Variants in MIA2 observed in about 807,000 individuals in gnomAD.
MIA2 encodes MIA SH3 domain ER export factor 2, also known as melanoma inhibitory activity protein 2.
Under a neutral mutation model 167.8 loss-of-function variants are expected in MIA2, and 127 were observed. The observed-to-expected ratio is 0.76, with a 90% CI of 0.66 to 0.88. The LOEUF (loss-of-function observed/expected upper bound fraction) is 0.88. MIA2 is among the 40% of genes least tolerant of loss of function. The probability of loss-of-function intolerance (pLI) is 0.00; values close to 1 mark genes in which losing one functional copy is unlikely to be tolerated. For synonymous variants in MIA2, 552 were observed against 541.9 expected, an observed-to-expected ratio of 1.02 and a Z score of -0.26; for missense variants, 1,690 against 1,624.7, an observed-to-expected ratio of 1.04 and a Z score of -0.69.
At chr14:39,252,029 T>G (rs1002865906) in intron 4 of MIA2, among the ~76,000 whole-genome samples, 2 of 149,860 alleles carry the variant, frequency 1.3e-5, no homozygotes, top group Non-Finnish European at 3.0e-5. Flanking sequence ...GACAGTTATG[T>G]TAGTTTTAGG....
At chr14:39,251,940 A>G (rs2152636270) in intron 4 of MIA2, among the ~76,000 whole-genome samples, 1 of 152,290 alleles carries the variant, frequency 6.6e-6, no homozygotes, top group South Asian at 2.1e-4. Flanking sequence ...CAGGAATGAA[A>G]TCTGAAGGGA....
Position 39,294,927 on chromosome 14 carries a change from C to T in MIA2, c.2394C>T (p.Ala798=). ...SKSLKSQVAE[A]KMTFKIFQMN... The stretch of plus-strand genomic sequence containing the variant: ...TTGACATTTTTTGTTTCACTTAGGC[C>T]AAAATGACCTTCAAGATATTTCAAA... Residue 798 remains alanine, a splice_region_variant and synonymous_variant, in exon 13 of 29, where the codon GCC becomes GCT. Transcript: ENST00000640607. 1.2e-6 allele frequency: 2 copies of T among 1,608,524 alleles called. No individual in the cohort carries two copies. The highest frequency in any genetic ancestry group is 1.7e-6 in the Non-Finnish European group (2 of 1,176,518).
intron 23 of MIA2, among the ~76,000 whole-genome samples, chr14:39,358,679 G>A (rs2074597398): frequency 6.6e-6 from 1 of 152,140 alleles, no homozygotes. Flanking sequence ...CCATCTTAGT[G>A]GTTTTATCTA....
intron 9 of MIA2, among the ~76,000 whole-genome samples, chr14:39,280,528 C>T (rs569258693): frequency 1.2e-3 from 177 of 151,950 alleles, no homozygotes; most frequent in Admixed American, 3.3e-3. Context: ...GTCAGGAGAT[C>T]GAGACTATCC....
At chr14:39,277,686 ATGTG>A (rs201566183) in intron 7 of MIA2, among the ~76,000 whole-genome samples, 965 of 16,166 alleles carry the variant, frequency 0.06, 221 homozygotes, top group African/African-American at 0.21. Context: ...ATATATATAT[ATGTG>A]TGTATATATA....
At position 39,307,390 on chromosome 14, in the gene MIA2, ATTTTTTTTTTTTTTT is replaced by A. The variant is rs373046158; in HGVS notation, c.2879-1045_2879-1031del. The stretch of plus-strand genomic sequence containing the variant: ...ATAAATAATAACAAAAGTTAAAAGA[ATTTTTTTTTTTTTTT>A]TTTTTTTTTTTTTGGAGACAGGGTC... On this transcript the variant is annotated intron_variant, in intron 17 of 28. Transcript: ENST00000640607. Among the ~76,000 whole-genome samples, 463 of 67,564 alleles carry A rather than the reference ATTTTTTTTTTTTTTT, an allele frequency of 6.9e-3. 2 individuals carry two copies. The highest frequency in any genetic ancestry group is 0.028 in the South Asian group (39 of 1,410). 44.3% of individuals were successfully genotyped at this position (67,564 alleles called of 152,430 possible). A position where few individuals can be genotyped will look rare whatever the true frequency, so the allele number is the denominator to read the frequency against.
chr14:39,343,271 A>AC (rs2072433921), intron 25 of MIA2, among the ~76,000 whole-genome samples: 1 of 152,040 alleles, frequency 6.6e-6, no homozygotes, highest in Non-Finnish European at 1.5e-5. Context: ...CAGCCTCCCG[A>AC]GTAGCTGGGA....
intron 16 of MIA2, among the ~76,000 whole-genome samples, chr14:39,304,074 C>T (rs1454471123): frequency 6.6e-6 from 1 of 152,070 alleles, no homozygotes; most frequent in Non-Finnish European, 1.5e-5. Flanking sequence ...CTACTTTTCC[C>T]TGTCCCTTGT....
chr14:39,238,927 G>T (rs1487917176), intron 2 of MIA2, among the ~76,000 whole-genome samples: 1 of 151,188 alleles, frequency 6.6e-6, no homozygotes, highest in Non-Finnish European at 1.5e-5. Flanking sequence ...GAAAATTAAT[G>T]ATTAATACTT....
chr14:39,368,523 G>C (rs34594880), intron 23 of MIA2, among the ~76,000 whole-genome samples: 34,295 of 152,074 alleles, frequency 0.23, 5,220 homozygotes, highest in Non-Finnish European at 0.34. Context: ...GCAGAGGAGA[G>C]ACATGATTTG....
rs181332626 is a variant in MIA2 at position 39,263,244 on chromosome 14, G to A, written c.1887+10073G>A. On this transcript the variant is annotated intron_variant, in intron 6 of 28. Transcript: ENST00000640607. ...GCATGAAGGGCTGTTGAATTTTGTC[G>A]AAGGCCTTTTCTGCATGTATTGAGA... Among the ~76,000 whole-genome samples the A allele has an allele frequency of 4.0e-3, 606 of 152,130 alleles. 1 individual carries two copies. Among genetic ancestry groups the A allele is most frequent in the African/African-American group, 0.013 (545 of 41,480 alleles).
intron 24 of MIA2, among the ~76,000 whole-genome samples, chr14:39,326,046 T>A (rs767731809): frequency 9.9e-5 from 15 of 152,206 alleles, no homozygotes; most frequent in Non-Finnish European, 1.5e-4. Flanking sequence ...GGTACTATCT[T>A]TTCTGTGGTC....
rs35159773 is a variant in MIA2 at position 39,286,696 on chromosome 14, C to CTTTTTT, written c.2131-4313_2131-4308dup. 5.6e-5 allele frequency among the ~76,000 whole-genome samples: 8 copies of CTTTTTT among 142,690 alleles called. 4 individuals carry two copies. Among genetic ancestry groups the CTTTTTT allele is most frequent in the Non-Finnish European group, 6.1e-5 (4 of 66,014 alleles). 93.6% of individuals were successfully genotyped at this position (142,690 alleles called of 152,430 possible). Reference sequence around the variant, plus strand: ...TTATCCTTCTCTTCCTTCCTTCTTACTTTTTTTTTTTTTTTGAGACAGGCT... The same window carrying CTTTTTT: ...TTATCCTTCTCTTCCTTCCTTCTTACTTTTTTTTTTTTTTTTTTTTTGAGACAGGCT... On this transcript the variant is annotated intron_variant, in intron 9 of 28. Coordinates refer to ENST00000640607, the MANE Select transcript of MIA2 (RefSeq NM_001329214.4).
intron 6 of MIA2, chr14:39,267,408 G>C: frequency 1.2e-6 from 2 of 1,608,610 alleles, no homozygotes; most frequent in South Asian, 2.2e-5. Flanking sequence ...CGTTTATTGT[G>C]GCCCCGACAG....
At chr14:39,318,738 A>G (rs904305939) in intron 22 of MIA2, among the ~76,000 whole-genome samples, 3 of 152,168 alleles carry the variant, frequency 2.0e-5, no homozygotes, top group Non-Finnish European at 4.4e-5. Flanking sequence ...TGGGATTTCC[A>G]GTGTTGTAAC....
At chr14:39,281,113 T>TG (rs1390009837) in intron 9 of MIA2, among the ~76,000 whole-genome samples, 1 of 151,818 alleles carries the variant, frequency 6.6e-6, no homozygotes, top group African/African-American at 2.4e-5. Context: ...CTTGTAGAGA[T>TG]GGGGTTTTGC....
At position 39,271,030 on chromosome 14, in the gene MIA2, C is replaced by T. The variant is rs541006538; in HGVS notation, c.1888-5904C>T. Among the ~76,000 whole-genome samples, 37 of 152,174 alleles carry T rather than the reference C, an allele frequency of 2.4e-4. 1 individual carries two copies. The South Asian group carries it at 7.1e-3, about 29-fold the overall frequency. On this transcript the variant is annotated intron_variant, in intron 6 of 28. Coordinates refer to ENST00000640607, the MANE Select transcript of MIA2 (RefSeq NM_001329214.4). ...GCTTTTGGTATCATAGCTAAGAAAC[C>T]GTTGCTTAAGACAAGGTTACAAACA...
At chr14:39,261,316 A>C (rs2055098242) in intron 6 of MIA2, among the ~76,000 whole-genome samples, 1 of 152,190 alleles carries the variant, frequency 6.6e-6, no homozygotes, top group Admixed American at 6.5e-5. Context: ...AAAGGACATG[A>C]ACTCATCCTT....
chr14:39,338,851 C>T (rs1278122600), intron 25 of MIA2, among the ~76,000 whole-genome samples: 1 of 152,158 alleles, frequency 6.6e-6, no homozygotes, highest in Non-Finnish European at 1.5e-5. Context: ...AAAGGTGATT[C>T]TCATAAAAAC....
Sources: gnomAD v4.1 joint callset for allele counts (sites outside exome capture counted in the v4.1 genomes callset) on GRCh38, gnomAD v4.1.1 for gene constraint, MANE v1.5 for transcripts, NCBI Gene and HGNC (gene_info 2026-07-23, HGNC 2026-07-21) for gene names.